The following ZNF141 variants were observed in gnomAD, a reference collection of about 807,000 sequenced individuals.
ZNF141 encodes the protein zinc finger protein 141 (clone pHZ-44).
ZNF141 carries 7 observed loss-of-function variants against 11.3 expected under a neutral mutation model. That is an observed-to-expected ratio of 0.62 (90% CI 0.35 to 1.16). ZNF141 has a LOEUF of 1.16. Ranked by LOEUF, ZNF141 falls within the 50% of genes most tolerant of loss-of-function variation. The pLI, the probability that ZNF141 is intolerant of heterozygous loss-of-function variation, is 0.02. For synonymous variants in ZNF141, 183 were observed against 190.7 expected (o/e 0.96, Z 0.33); for missense variants, 535 against 554.0 (o/e 0.97, Z 0.34).
At chr4:360,417 C>A (rs558080658) in intron 3 of ZNF141, among the ~76,000 whole-genome samples, 3 of 152,252 alleles carry the variant, frequency 2.0e-5, no homozygotes, top group Non-Finnish European at 4.4e-5. Flanking sequence ...GCTTTTATTG[C>A]GGCGCATGGC....
chr4:340,560 A>ACCAG (rs1204753225), intron 1 of ZNF141, among the ~76,000 whole-genome samples: 11 of 152,312 alleles, frequency 7.2e-5, no homozygotes, highest in African/African-American at 2.6e-4. Context: ...AAATGTGCTT[A>ACCAG]CCAGCCCTCC....
chr4:374,540 T>C lies in ZNF141; in HGVS notation c.*678T>C. The C allele has an allele frequency of 5.6e-6, 1 of 179,456 alleles. No homozygotes were observed. Among genetic ancestry groups the C allele is most frequent in the Non-Finnish European group, 1.2e-5 (1 of 81,604 alleles). The allele number at this position is 179,456 out of a possible 1,614,324, so 11.1% of individuals were successfully genotyped here. A position where few individuals can be genotyped will look rare whatever the true frequency, so the allele number is the denominator to read the frequency against. ...TAATTCATTCTGGGGAAAAAAATGCTACAAATGTGAAAAACGTGGCAGAGC... is the reference window on the plus strand; with the variant it reads ...TAATTCATTCTGGGGAAAAAAATGCCACAAATGTGAAAAACGTGGCAGAGC... On this transcript the variant is annotated 3_prime_UTR_variant, in exon 4 of 4. Transcript: ENST00000240499.
intron 3 of ZNF141, among the ~76,000 whole-genome samples, chr4:371,840 C>A (rs1315416765): frequency 6.6e-6 from 1 of 152,066 alleles, no homozygotes; most frequent in Non-Finnish European, 1.5e-5. Context: ...ATGCCCGTTC[C>A]CTTTTCTGAA....
At chr4:340,270 T>C (rs1272442294) in intron 1 of ZNF141, among the ~76,000 whole-genome samples, 2 of 152,044 alleles carry the variant, frequency 1.3e-5, no homozygotes, top group Non-Finnish European at 1.5e-5. Flanking sequence ...TGCAGCAAAG[T>C]GCACGAAGTG....
In ZNF141 at chr4:338,022, A is replaced by C. The variant is rs782096695; in HGVS notation, c.3+36A>C. 6 of 1,612,162 alleles carry C rather than the reference A, an allele frequency of 3.7e-6. No homozygotes were observed. In the South Asian group the frequency reaches 6.6e-5, roughly 18 times the overall value. ...GGGGCAGGGCGTCCCAAGGCTGAGG[A>C]GGTCTCATCGGAGCTGGCGGGAAAT... On this transcript the variant is annotated intron_variant, in intron 1 of 3. Transcript: ENST00000240499.
intron 3 of ZNF141, among the ~76,000 whole-genome samples, chr4:352,417 G>A (rs1437739670): frequency 6.6e-6 from 1 of 152,012 alleles, no homozygotes; most frequent in African/African-American, 2.4e-5. Flanking sequence ...AGAGGGAGAA[G>A]GCAGAATGGA....
chr4:362,942 G>A (rs1711560057), intron 3 of ZNF141, among the ~76,000 whole-genome samples: 1 of 152,158 alleles, frequency 6.6e-6, no homozygotes, highest in Admixed American at 6.5e-5. Flanking sequence ...GATGAGGATG[G>A]CATTGAATCT....
intron 3 of ZNF141, among the ~76,000 whole-genome samples, chr4:371,775 C>T (rs1039318272): frequency 2.1e-4 from 32 of 151,730 alleles, no homozygotes; most frequent in East Asian, 1.9e-4. Context: ...CTCCTGACCT[C>T]GTGATCCACC....
rs1485778886 is a variant in ZNF141, at chr4:375,493, AAAG to A, written c.*1636_*1638del. ...AAATGTGAAGAAATATTTAGTCTAA[AAAG>A]AAGAGTATGTAAACATCAGAGGATT... On this transcript the variant is annotated 3_prime_UTR_variant, in exon 4 of 4. Coordinates refer to ENST00000240499, the MANE Select transcript of ZNF141 (RefSeq NM_003441.4). 1.2e-4 allele frequency among the ~76,000 whole-genome samples: 19 copies of A among 152,230 alleles called. No homozygotes were observed. Among genetic ancestry groups the A allele is most frequent in the African/African-American group, 2.9e-4 (12 of 41,576 alleles).
chr4:353,819 G>A (rs917576963), intron 3 of ZNF141, among the ~76,000 whole-genome samples: 2 of 152,076 alleles, frequency 1.3e-5, no homozygotes, highest in Admixed American at 6.6e-5. Context: ...GTGATTCTAC[G>A]TCTCCTCCAT....
At chr4:353,597 A>C (rs1470079845) in intron 3 of ZNF141, among the ~76,000 whole-genome samples, 1 of 151,576 alleles carries the variant, frequency 6.6e-6, no homozygotes, top group Non-Finnish European at 1.5e-5. Context: ...AGTAGCTGGG[A>C]CTACAGGTGT....
rs569302960 is a variant in ZNF141 at position 359,343 on chromosome 4, A to G, written c.227-13321A>G. 1.2e-4 allele frequency among the ~76,000 whole-genome samples: 18 copies of G among 152,338 alleles called. 1 individual carries two copies. The highest frequency in any genetic ancestry group is 4.1e-4 in the African/African-American group (17 of 41,582). ...TATCTGCAAATGGAGATGCTGATAC[A>G]ATAAATATGAGTAGGTGTGGCTCCT... On this transcript the variant is annotated intron_variant, in intron 3 of 3. Coordinates refer to ENST00000240499, the MANE Select transcript of ZNF141 (RefSeq NM_003441.4).
rs1712325686 is a variant in ZNF141 at position 375,606 on chromosome 4, C to T, written c.*1744C>T. ...GTATTAAAAAAATCCAAAGTTGAACCTATTAGAGAATTTCTTTGTATATAA... is the reference window on the plus strand; with the variant it reads ...GTATTAAAAAAATCCAAAGTTGAACTTATTAGAGAATTTCTTTGTATATAA... On this transcript the variant is annotated 3_prime_UTR_variant, in exon 4 of 4. Transcript: ENST00000240499. Among the ~76,000 whole-genome samples the T allele has an allele frequency of 6.6e-6, 1 of 151,678 alleles. No individual in the cohort carries two copies. Among genetic ancestry groups the T allele is most frequent in the Admixed American group, 6.6e-5 (1 of 15,220 alleles).
chr4:345,511 CT>C (rs1553849377), intron 3 of ZNF141, among the ~76,000 whole-genome samples: 15 of 152,038 alleles, frequency 9.9e-5, no homozygotes, highest in African/African-American at 3.4e-4. Context: ...CTCGGATCAT[CT>C]GAGATCGGGA....
In ZNF141 at chr4:344,437, G is replaced by A; in HGVS notation, c.226+7G>A. 6.2e-7 allele frequency: 1 copy of A among 1,602,432 alleles called. No homozygotes were observed. Among genetic ancestry groups the A allele is most frequent in the Non-Finnish European group, 8.5e-7 (1 of 1,171,950 alleles). Reference sequence around the variant, plus strand: ...ATCGTAGCCAGACCCCCAGGTAGGTGAGAGTGAATGGAGGAGAGGGCACAG... The same window carrying A: ...ATCGTAGCCAGACCCCCAGGTAGGTAAGAGTGAATGGAGGAGAGGGCACAG... On this transcript the variant is annotated splice_region_variant and intron_variant, in intron 3 of 3. Coordinates refer to ENST00000240499, the MANE Select transcript of ZNF141 (RefSeq NM_003441.4).
At chr4:359,644 A>C (rs1431653243) in intron 3 of ZNF141, among the ~76,000 whole-genome samples, 2 of 152,156 alleles carry the variant, frequency 1.3e-5, no homozygotes, top group Non-Finnish European at 2.9e-5. Flanking sequence ...TCACGGTGGG[A>C]ATAAAGTCAG....
At chr4:356,535 A>G (rs1301978231) in intron 3 of ZNF141, among the ~76,000 whole-genome samples, 4 of 151,672 alleles carry the variant, frequency 2.6e-5, no homozygotes, top group South Asian at 2.1e-4. Context: ...CTGTGTTTCA[A>G]TCTCTTGACC....
chr4:344,428 C>G lies in ZNF141; in HGVS notation c.224C>G (p.Pro75Arg), dbSNP rs782668473. The G allele has an allele frequency of 6.2e-7, 1 of 1,604,652 alleles. No homozygotes were observed. Among genetic ancestry groups the G allele is most frequent in the Non-Finnish European group, 8.5e-7 (1 of 1,173,548 alleles). ...ATACATAAGATCGTAGCCAGACCCC[C>G]AGGTAGGTGAGAGTGAATGGAGGAG... ...VKIHKIVARP[P>R]AMCSHFTQDH... Residue 75 changes from proline to arginine, a missense_variant and splice_region_variant, in exon 3 of 4, where the codon CCA becomes CGA. Coordinates refer to ENST00000240499, the MANE Select transcript of ZNF141 (RefSeq NM_003441.4).
intron 3 of ZNF141, among the ~76,000 whole-genome samples, chr4:348,728 C>CAA (rs200772158): frequency 5.8e-5 from 5 of 85,826 alleles, no homozygotes; most frequent in Non-Finnish European, 4.9e-5. Flanking sequence ...GACTCCATCT[C>CAA]AAAAAAAAAA....
Sources: gnomAD v4.1 joint callset for allele counts (sites outside exome capture counted in the v4.1 genomes callset) on GRCh38, gnomAD v4.1.1 for gene constraint, MANE v1.5 for transcripts, NCBI Gene and HGNC (gene_info 2026-07-23, HGNC 2026-07-21) for gene names.